KCNQ4: variants seen among roughly 807,000 people sequenced by gnomAD.
KCNQ4 encodes potassium voltage-gated channel subfamily KQT member 4.
Under a neutral mutation model 72.6 loss-of-function variants are expected in KCNQ4, and 31 were observed. The observed-to-expected ratio is 0.43, with a 90% CI of 0.32 to 0.58. The LOEUF is 0.58. Among genes scored for constraint, KCNQ4 ranks in the 20% least tolerant of loss-of-function variants. The pLI is 0.08. For missense variants in KCNQ4, 869 were observed against 962.6 expected, an observed-to-expected ratio of 0.90 and a Z score of 1.29; for synonymous variants, 405 against 403.7, an observed-to-expected ratio of 1.00 and a Z score of -0.04.
chr1:40,826,783 A>C, intron 9 of KCNQ4: 1 of 412,310 alleles, frequency 2.4e-6, no homozygotes, highest in Admixed American at 2.5e-5. Flanking sequence ...GCCAAGGACA[A>C]GGTGCATGTG....
Position 40,840,426 on chromosome 1 carries a change from T to C in KCNQ4, c.*1903T>C, listed in dbSNP as rs1648942268. The C allele has an allele frequency of 1.3e-5, 2 of 152,228 alleles. No homozygotes were observed. The highest frequency in any genetic ancestry group is 2.9e-5 in the Non-Finnish European group (2 of 68,044). 9.4% of individuals were successfully genotyped at this position (152,228 alleles called of 1,614,324 possible). ...CTCACTTTGTTAACTTATTAACTTATTGGTTTCATTAAAGTTTTCAAGAGG... is the reference window on the plus strand; with the variant it reads ...CTCACTTTGTTAACTTATTAACTTACTGGTTTCATTAAAGTTTTCAAGAGG... On this transcript the variant is annotated 3_prime_UTR_variant, in exon 14 of 14. Coordinates refer to ENST00000347132, the MANE Select transcript of KCNQ4 (RefSeq NM_004700.4).
At chr1:40,823,156 C>T (rs995368637) in intron 8 of KCNQ4, among the ~76,000 whole-genome samples, 2 of 152,210 alleles carry the variant, frequency 1.3e-5, no homozygotes, top group African/African-American at 4.8e-5. Flanking sequence ...AGCTGTTGCG[C>T]GATTCCACTC....
intron 8 of KCNQ4, among the ~76,000 whole-genome samples, chr1:40,823,893 G>A (rs1648389406): frequency 1.3e-5 from 2 of 152,190 alleles, no homozygotes; most frequent in Admixed American, 6.5e-5. Flanking sequence ...ATCCATGCTT[G>A]GCATCCCTGG....
chr1:40,831,349 T>C, intron 10 of KCNQ4, 45 bp downstream of exon 10: 1 of 1,506,972 alleles, frequency 6.6e-7, no homozygotes, highest in South Asian at 1.2e-5. Context: ...CGGCTGAGGG[T>C]GGCAGGGCGG....
At chr1:40,807,674 G>A (rs1308757434) in intron 1 of KCNQ4, among the ~76,000 whole-genome samples, 1 of 152,204 alleles carries the variant, frequency 6.6e-6, no homozygotes, top group East Asian at 1.9e-4. Flanking sequence ...GTCAAGTCTA[G>A]CTGAAGTCCC....
At chr1:40,824,404 A>T in intron 9 of KCNQ4, 146 bp downstream of exon 9, 1 of 819,032 alleles carries the variant, frequency 1.2e-6, no homozygotes, top group Non-Finnish European at 1.9e-6. Context: ...AGAGGGCCAG[A>T]CAGGTACAGA....
rs771497907 is a variant in KCNQ4 at position 40,818,528 on chromosome 1, G to T, written c.556G>T (p.Val186Leu). Residue 186 changes from valine to leucine, a missense_variant, in exon 4 of 14, where the codon GTG (valine) becomes TTG (leucine). Transcript: ENST00000347132. ...AGACTTCATCGTGTTCGTGGCCTCGGTGGCCGTCATCGCCGCGGGTACCCA... is the reference window on the plus strand; with the variant it reads ...AGACTTCATCGTGTTCGTGGCCTCGTTGGCCGTCATCGCCGCGGGTACCCA... The part of the protein sequence containing the change: ...VIDFIVFVAS[V>L]AVIAAGTQGN... 3.1e-6 allele frequency: 5 copies of T among 1,602,266 alleles called. No individual in the cohort carries two copies. Among genetic ancestry groups the T allele is most frequent in the Non-Finnish European group, 4.2e-6 (5 of 1,179,868 alleles).
intron 12 of KCNQ4, among the ~76,000 whole-genome samples, chr1:40,837,419 T>A (rs1253929069): frequency 6.6e-6 from 1 of 152,210 alleles, no homozygotes; most frequent in Non-Finnish European, 1.5e-5. Context: ...CCATTCCTCT[T>A]TCACCAGACG....
chr1:40,838,751 G>A lies in KCNQ4; in HGVS notation c.*228G>A. 3.3e-6 allele frequency: 2 copies of A among 601,696 alleles called. No homozygotes were observed. Among genetic ancestry groups the A allele is most frequent in the Non-Finnish European group, 6.0e-6 (2 of 335,596 alleles). The allele number at this position is 601,696 out of a possible 1,614,324, so 37.3% of individuals were successfully genotyped here. A position where few individuals can be genotyped will look rare whatever the true frequency, so the allele number is the denominator to read the frequency against. Reference sequence around the variant, plus strand: ...CCAGGTCGCACAGAGGGCAGCAGCAGCGGCCGTCCCGCGGCCTCTGGGCCC... The same window carrying A: ...CCAGGTCGCACAGAGGGCAGCAGCAACGGCCGTCCCGCGGCCTCTGGGCCC... On this transcript the variant is annotated 3_prime_UTR_variant, in exon 14 of 14. Transcript: ENST00000347132.
At chr1:40,786,267 G>T (rs1317351301) in intron 1 of KCNQ4, among the ~76,000 whole-genome samples, 1 of 152,196 alleles carries the variant, frequency 6.6e-6, no homozygotes, top group East Asian at 1.9e-4. Context: ...GGGCTCTGAG[G>T]TGGGGTCCTT....
At chr1:40,827,366 G>A (rs1570842475) in intron 9 of KCNQ4, among the ~76,000 whole-genome samples, 1 of 152,202 alleles carries the variant, frequency 6.6e-6, no homozygotes, top group African/African-American at 2.4e-5. Context: ...CCTAAAAGCA[G>A]TGGGTTTCAG....
In KCNQ4 at chr1:40,834,961, C is replaced by G; in HGVS notation, c.1614-6C>G. 1 of 1,613,288 alleles carries G rather than the reference C, an allele frequency of 6.2e-7. No individual in the cohort carries two copies. The highest frequency in any genetic ancestry group is 8.5e-7 in the Non-Finnish European group (1 of 1,179,474). The stretch of plus-strand genomic sequence containing the variant: ...GACACTCCCTCTGAGCCCCCTCCCC[C>G]AACAGGATTCTCAAGTTCCTGGTGG... On this transcript the variant is annotated splice_polypyrimidine_tract_variant and splice_region_variant and intron_variant, in intron 11 of 13. Coordinates refer to ENST00000347132, the MANE Select transcript of KCNQ4 (RefSeq NM_004700.4).
In KCNQ4 at chr1:40,820,029, G is replaced by T. The variant is rs754925753; in HGVS notation, c.945+44G>T. Reference sequence around the variant, plus strand: ...AGTTGGTGGGGGAGGCTGAGGGTGGGACCTGCTCACCCCTGTCACACATTT... The same window carrying T: ...AGTTGGTGGGGGAGGCTGAGGGTGGTACCTGCTCACCCCTGTCACACATTT... On this transcript the variant is annotated intron_variant, in intron 6 of 13. Transcript: ENST00000347132. 2.5e-6 allele frequency: 4 copies of T among 1,571,492 alleles called. No homozygotes were observed. The African/African-American group carries it at 5.4e-5, about 21-fold the overall frequency.
At chr1:40,810,393 G>A (rs993681826) in intron 1 of KCNQ4, among the ~76,000 whole-genome samples, 11 of 152,174 alleles carry the variant, frequency 7.2e-5, no homozygotes, top group Non-Finnish European at 1.3e-4. Flanking sequence ...TCATGGCCTC[G>A]TCCATCCCGT....
chr1:40,837,988 C>A (rs1451716846), intron 13 of KCNQ4, among the ~76,000 whole-genome samples, 194 bp downstream of exon 13: 3 of 151,736 alleles, frequency 2.0e-5, no homozygotes, highest in Non-Finnish European at 4.4e-5. Context: ...CTAAGCCCCG[C>A]CCCCAGGCTG....
At chr1:40,828,568 C>T (rs895928371) in intron 9 of KCNQ4, among the ~76,000 whole-genome samples, 1 of 152,196 alleles carries the variant, frequency 6.6e-6, no homozygotes, top group Middle Eastern at 3.2e-3. Flanking sequence ...AGTTCTTGCT[C>T]CATCTCATAG....
intron 9 of KCNQ4, among the ~76,000 whole-genome samples, chr1:40,828,452 G>C (rs1436929153): frequency 6.6e-6 from 1 of 152,068 alleles, no homozygotes; most frequent in Non-Finnish European, 1.5e-5. Context: ...CATGTCCCCT[G>C]AGTGGGGGAA....
chr1:40,785,133 A>AG (rs1376327866), intron 1 of KCNQ4, among the ~76,000 whole-genome samples: 1 of 152,146 alleles, frequency 6.6e-6, no homozygotes, highest in Non-Finnish European at 1.5e-5. Flanking sequence ...TCTAGGCACC[A>AG]GGGGAAAAAG....
At chr1:40,831,020 C>A in intron 9 of KCNQ4, 64 bp from the exon 10 acceptor site, 1 of 1,413,414 alleles carries the variant, frequency 7.1e-7, no homozygotes, top group Non-Finnish European at 9.8e-7. Flanking sequence ...CAGCTTTGTC[C>A]CCACTCACCC....
Sources: gnomAD v4.1 joint callset for allele counts (sites outside exome capture counted in the v4.1 genomes callset) on GRCh38, gnomAD v4.1.1 for gene constraint, MANE v1.5 for transcripts, NCBI Gene and HGNC (gene_info 2026-07-23, HGNC 2026-07-21) for gene names.